The following EPB41L4A variants were observed in gnomAD, a reference collection of about 807,000 sequenced individuals.
EPB41L4A encodes band 4.1-like protein 4A.
EPB41L4A carries 100 observed loss-of-function variants against 108.6 expected under a neutral mutation model. The observed-to-expected ratio is 0.92, with a 90% CI of 0.78 to 1.09. The LOEUF (loss-of-function observed/expected upper bound fraction) is 1.09, where lower values mean the gene tolerates loss of function less well. Ranked by LOEUF, EPB41L4A falls within the 50% of genes least tolerant of loss-of-function variation. EPB41L4A has a pLI of 0.00. For missense variants in EPB41L4A, 1,030 were observed against 842.7 expected, an observed-to-expected ratio of 1.22 and a Z score of -2.75; for synonymous variants, 319 against 289.0, an observed-to-expected ratio of 1.10 and a Z score of -1.05.
At chr5:112,219,357 G>A (rs1307497857) in intron 12 of EPB41L4A, among the ~76,000 whole-genome samples, 6 of 152,030 alleles carry the variant, frequency 3.9e-5, no homozygotes, top group Admixed American at 1.3e-4. Context: ...CTCTCCTGCC[G>A]CCCTGTGAAG....
At chr5:112,312,314 T>C (rs1755104262) in intron 1 of EPB41L4A, among the ~76,000 whole-genome samples, 1 of 152,220 alleles carries the variant, frequency 6.6e-6, no homozygotes, top group African/African-American at 2.4e-5. Flanking sequence ...CAATCTTTTG[T>C]GACAATTTTG....
intron 2 of EPB41L4A, among the ~76,000 whole-genome samples, chr5:112,305,678 G>A (rs1476772459): frequency 2.0e-5 from 3 of 152,064 alleles, no homozygotes; most frequent in African/African-American, 7.2e-5. Context: ...GACAATACAT[G>A]TGAACATGCA....
intron 9 of EPB41L4A, among the ~76,000 whole-genome samples, chr5:112,251,362 T>C (rs141402758): frequency 5.3e-5 from 8 of 152,282 alleles, no homozygotes; most frequent in South Asian, 4.1e-4. Context: ...CTGTAAAATA[T>C]TGAAAACTTT....
intron 16 of EPB41L4A, among the ~76,000 whole-genome samples, chr5:112,195,203 G>T (rs1356204915): frequency 6.6e-6 from 1 of 152,080 alleles, no homozygotes; most frequent in Non-Finnish European, 1.5e-5. Context: ...AAGCTAGCCA[G>T]GTGGAGAAAC....
intron 9 of EPB41L4A, among the ~76,000 whole-genome samples, 196 bp downstream of exon 9, chr5:112,259,033 C>T (rs998059067): frequency 6.6e-6 from 1 of 152,174 alleles, no homozygotes. Context: ...ATCTAAAATG[C>T]CCATTTCTCC....
At chr5:112,239,000 T>A (rs545292200) in intron 11 of EPB41L4A, among the ~76,000 whole-genome samples, 66 of 152,266 alleles carry the variant, frequency 4.3e-4, no homozygotes, top group African/African-American at 1.4e-3. Context: ...AAACATGAGC[T>A]CTGCAGCTAG....
intron 1 of EPB41L4A, among the ~76,000 whole-genome samples, chr5:112,361,681 AT>A (rs1208920792): frequency 6.8e-6 from 1 of 148,084 alleles, no homozygotes; most frequent in Non-Finnish European, 1.5e-5. Flanking sequence ...TAGAAGTAAA[AT>A]AAAAAGAACA....
intron 3 of EPB41L4A, among the ~76,000 whole-genome samples, chr5:112,277,653 G>A (rs546858580): frequency 1.4e-3 from 217 of 152,280 alleles, no homozygotes; most frequent in African/African-American, 5.0e-3. Flanking sequence ...GCACTTTGGG[G>A]TGCACCATTC....
chr5:112,376,692 T>C (rs1385403098), intron 1 of EPB41L4A, among the ~76,000 whole-genome samples: 2 of 152,108 alleles, frequency 1.3e-5, no homozygotes, highest in Non-Finnish European at 2.9e-5. Flanking sequence ...ACATTACTCA[T>C]CAATAAAAAA....
intron 11 of EPB41L4A, 89 bp from the exon 12 acceptor site, chr5:112,234,844 G>A: frequency 6.5e-6 from 9 of 1,394,856 alleles, no homozygotes; most frequent in Admixed American, 4.2e-5. Flanking sequence ...TGCCAAATAT[G>A]GAGAGAAGAA....
intron 18 of EPB41L4A, among the ~76,000 whole-genome samples, chr5:112,178,593 C>G (rs1760990552): frequency 6.6e-6 from 1 of 150,796 alleles, no homozygotes; most frequent in South Asian, 2.1e-4. Flanking sequence ...TTTTTTTTAA[C>G]CACAATGGAA....
intron 1 of EPB41L4A, among the ~76,000 whole-genome samples, chr5:112,378,457 C>A (rs1759959094): frequency 6.6e-6 from 1 of 152,122 alleles, no homozygotes; most frequent in Admixed American, 6.6e-5. Context: ...TCAGGATGAT[C>A]AGGATATAAA....
intron 1 of EPB41L4A, among the ~76,000 whole-genome samples, chr5:112,357,619 T>C (rs1758446626): frequency 6.6e-6 from 1 of 152,196 alleles, no homozygotes; most frequent in East Asian, 1.9e-4. Flanking sequence ...TGAGCATCCC[T>C]CAAATGTGAA....
downstream of EPB41L4A, among the ~76,000 whole-genome samples, chr5:112,157,741 C>G (rs1415928990): frequency 1.3e-5 from 2 of 152,324 alleles, no homozygotes; most frequent in Middle Eastern, 3.4e-3. Flanking sequence ...ATCACATATG[C>G]AAAGCCCCTT....
At chr5:112,387,821 TA>T (rs1434991946) in intron 1 of EPB41L4A, among the ~76,000 whole-genome samples, 1 of 152,216 alleles carries the variant, frequency 6.6e-6, no homozygotes, top group Non-Finnish European at 1.5e-5. Context: ...ATTAAAATGC[TA>T]AGGCACTAGT....
chr5:112,275,941 G>A (rs759707662), intron 3 of EPB41L4A, among the ~76,000 whole-genome samples: 44 of 152,090 alleles, frequency 2.9e-4, no homozygotes, highest in African/African-American at 1.0e-3. Context: ...CTAAATTTCC[G>A]AGCACAGAAA....
chr5:112,320,259 T>C (rs1755687774), intron 1 of EPB41L4A, among the ~76,000 whole-genome samples: 1 of 152,108 alleles, frequency 6.6e-6, no homozygotes, highest in Admixed American at 6.5e-5. Flanking sequence ...AAGAAAGCTG[T>C]GTGAGAAAAG....
At chr5:112,290,609 A>G (rs1753583379) in intron 2 of EPB41L4A, among the ~76,000 whole-genome samples, 1 of 152,182 alleles carries the variant, frequency 6.6e-6, no homozygotes, top group South Asian at 2.1e-4. Context: ...GTTGCAACAC[A>G]TTTTTAAAAT....
chr5:112,186,186 G>T (rs935348795), intron 17 of EPB41L4A, among the ~76,000 whole-genome samples: 1 of 152,184 alleles, frequency 6.6e-6, no homozygotes, highest in Admixed American at 6.5e-5. Flanking sequence ...ATTTTACAAT[G>T]TGAAATGTTT....
Sources: allele counts gnomAD v4.1 joint callset (sites outside exome capture counted in the v4.1 genomes callset), GRCh38; gene constraint gnomAD v4.1.1; transcripts MANE v1.5; gene names NCBI Gene and HGNC (gene_info 2026-07-23, HGNC 2026-07-21).